AUTS2: variants seen among roughly 807,000 people sequenced by gnomAD.
AUTS2 encodes autism susceptibility gene 2 protein.
AUTS2 carries 17 observed loss-of-function variants against 112.4 expected under a neutral mutation model. The observed-to-expected ratio is 0.15, with a 90% CI of 0.10 to 0.23. AUTS2 has a LOEUF of 0.23. Among genes scored for constraint, AUTS2 ranks in the 10% least tolerant of loss-of-function variants. The pLI is 1.00. For missense variants in AUTS2, 1,510 were observed against 1,701.6 expected (o/e 0.89, Z 1.98); for synonymous variants, 751 against 702.7 (o/e 1.07, Z -1.09).
At chr7:70,486,768 A>G (rs1486105848) in intron 5 of AUTS2, among the ~76,000 whole-genome samples, 1 of 152,102 alleles carries the variant, frequency 6.6e-6, no homozygotes, top group African/African-American at 2.4e-5. Context: ...CAATTAAAAA[A>G]TAAGTAAAAA....
chr7:69,710,178 A>G (rs926048445), intron 1 of AUTS2, among the ~76,000 whole-genome samples: 1 of 152,128 alleles, frequency 6.6e-6, no homozygotes, highest in African/African-American at 2.4e-5. Context: ...TCTCTTGTAT[A>G]TACTTTACTT....
intron 4 of AUTS2, among the ~76,000 whole-genome samples, chr7:70,295,748 T>G (rs1409297020): frequency 6.6e-6 from 1 of 152,192 alleles, no homozygotes; most frequent in Non-Finnish European, 1.5e-5. Flanking sequence ...ATCTCAGGCA[T>G]TAATGGATCT....
At chr7:69,794,038 G>A (rs1789734629) in intron 1 of AUTS2, among the ~76,000 whole-genome samples, 1 of 152,154 alleles carries the variant, frequency 6.6e-6, no homozygotes. Flanking sequence ...ATGCTGATTA[G>A]GTAGGATTGG....
chr7:70,239,324 GTTCTT>G (rs1361101790), intron 4 of AUTS2, among the ~76,000 whole-genome samples: 2 of 152,052 alleles, frequency 1.3e-5, no homozygotes, highest in African/African-American at 2.4e-5. Context: ...TGATTTTTCA[GTTCTT>G]TTCTTTAGTT....
chr7:70,535,085 A>G (rs1800263701), intron 5 of AUTS2, among the ~76,000 whole-genome samples: 1 of 152,042 alleles, frequency 6.6e-6, no homozygotes, highest in Non-Finnish European at 1.5e-5. Flanking sequence ...TGTACACTCA[A>G]AGAAATTCTG....
intron 1 of AUTS2, among the ~76,000 whole-genome samples, chr7:69,823,501 A>G (rs1385576538): frequency 1.3e-5 from 2 of 152,252 alleles, no homozygotes; most frequent in Non-Finnish European, 2.9e-5. Flanking sequence ...GCTACAGTCC[A>G]TCAGCATTGG....
At chr7:70,413,021 A>G (rs767205050) in intron 4 of AUTS2, among the ~76,000 whole-genome samples, 114 of 152,240 alleles carry the variant, frequency 7.5e-4, no homozygotes, top group Non-Finnish European at 1.4e-3. Flanking sequence ...TAATAATATA[A>G]TGTATGTCCC....
chr7:69,886,796 TG>T, intron 1 of AUTS2, among the ~76,000 whole-genome samples: 2 of 151,690 alleles, frequency 1.3e-5, no homozygotes, highest in African/African-American at 4.8e-5. Flanking sequence ...TGTGTGTGTG[TG>T]TGTGTGTGTG....
intron 4 of AUTS2, among the ~76,000 whole-genome samples, chr7:70,374,514 A>G (rs1585072478): frequency 1.3e-5 from 2 of 152,224 alleles, no homozygotes; most frequent in Non-Finnish European, 2.9e-5. Context: ...ACAAACTTGC[A>G]GTCAATTGCT....
rs61451653 is a variant in AUTS2 at position 69,744,670 on chromosome 7, CAAAAAA to C, written c.309+144720_309+144725del. On this transcript the variant is annotated intron_variant, in intron 1 of 18. Transcript: ENST00000342771. Reference sequence around the variant, plus strand: ...CTACAAATCAAGACTCCCCACACTACAAAAAAAAAAAAAAAAATTAGCCGATGTGGT... The same window carrying C: ...CTACAAATCAAGACTCCCCACACTACAAAAAAAAAAATTAGCCGATGTGGT... 6.7e-5 allele frequency among the ~76,000 whole-genome samples: 7 copies of C among 104,060 alleles called. No individual in the cohort carries two copies. In the Admixed American group the frequency reaches 7.4e-4, roughly 11 times the overall value. The allele number at this position is 104,060 out of a possible 152,430, so 68.3% of individuals were successfully genotyped here.
chr7:70,324,669 T>G (rs1790405732), intron 4 of AUTS2, among the ~76,000 whole-genome samples: 1 of 152,190 alleles, frequency 6.6e-6, no homozygotes, highest in African/African-American at 2.4e-5. Flanking sequence ...ATCCTGTATA[T>G]ATTGTCTATG....
chr7:70,664,142 CTCTT>C (rs1415144401), intron 5 of AUTS2, among the ~76,000 whole-genome samples: 14 of 152,288 alleles, frequency 9.2e-5, no homozygotes, highest in Non-Finnish European at 5.9e-5. Context: ...TTAAAAGTCT[CTCTT>C]TAATATACAA....
At chr7:70,150,616 G>A (rs1230112001) in intron 4 of AUTS2, among the ~76,000 whole-genome samples, 2 of 152,114 alleles carry the variant, frequency 1.3e-5, no homozygotes, top group Non-Finnish European at 2.9e-5. Flanking sequence ...ATTTCTTAAA[G>A]AAGCTTTTCT....
rs142388233 is a variant in AUTS2 at position 70,118,500 on chromosome 7, C to A, written c.624+267C>A. The A allele has an allele frequency of 5.3e-4, 152 of 285,076 alleles. 1 individual carries two copies. The highest frequency in any genetic ancestry group is 3.0e-3 in the African/African-American group (136 of 45,398). The allele number at this position is 285,076 out of a possible 1,614,324, so 17.7% of individuals were successfully genotyped here. On this transcript the variant is annotated intron_variant, in intron 3 of 18. Coordinates refer to ENST00000342771, the MANE Select transcript of AUTS2 (RefSeq NM_015570.4). ...TTTGTTACCTTAGAAACAACAAGGC[C>A]GGGCACGGTGGCTCACGCCTGTAAT...
At chr7:69,611,846 C>T (rs898412942) in intron 1 of AUTS2, among the ~76,000 whole-genome samples, 2 of 149,730 alleles carry the variant, frequency 1.3e-5, no homozygotes, top group South Asian at 4.3e-4. Flanking sequence ...AGGAGAATGG[C>T]GTGAACCCGG....
chr7:70,581,769 C>G (rs1802459554), intron 5 of AUTS2, among the ~76,000 whole-genome samples: 1 of 152,184 alleles, frequency 6.6e-6, no homozygotes, highest in East Asian at 1.9e-4. Context: ...AAAAGAGACT[C>G]TGCTATCACT....
intron 1 of AUTS2, among the ~76,000 whole-genome samples, chr7:69,701,090 A>G (rs1797782387): frequency 6.6e-6 from 1 of 151,836 alleles, no homozygotes; most frequent in Non-Finnish European, 1.5e-5. Flanking sequence ...AAGTTACCTA[A>G]CCTCTTTGTA....
At chr7:69,629,559 A>C (rs766825236) in intron 1 of AUTS2, among the ~76,000 whole-genome samples, 3 of 152,226 alleles carry the variant, frequency 2.0e-5, no homozygotes, top group African/African-American at 7.2e-5. Context: ...ATGAGCCCCA[A>C]CTTCTCATTA....
rs559479316 is a variant in AUTS2, at chr7:70,136,013, AT to A, written c.660+1452del. 3.7e-4 allele frequency among the ~76,000 whole-genome samples: 55 copies of A among 148,900 alleles called. No individual in the cohort carries two copies. The Middle Eastern group carries it at 0.01, about 28-fold the overall frequency. Reference sequence around the variant, plus strand: ...TCACTTCTGTACTGAACATTCTAGTATTTTTTTTTTATTGTCAGTAGGATCA... The same window carrying A: ...TCACTTCTGTACTGAACATTCTAGTATTTTTTTTTATTGTCAGTAGGATCA... On this transcript the variant is annotated intron_variant, in intron 4 of 18. Transcript: ENST00000342771.
Sources: allele counts gnomAD v4.1 joint callset (sites outside exome capture counted in the v4.1 genomes callset), GRCh38; gene constraint gnomAD v4.1.1; transcripts MANE v1.5; gene names NCBI Gene and HGNC (gene_info 2026-07-23, HGNC 2026-07-21).